Variants in ERBB2 observed in about 807,000 individuals in gnomAD.
ERBB2 encodes the protein receptor tyrosine-protein kinase erbB-2.
In ERBB2, 61 loss-of-function variants were observed where a neutral mutation model predicts 149.0. That is an observed-to-expected ratio of 0.41 (90% CI 0.33 to 0.51). The LOEUF is 0.51. ERBB2 is among the 20% of genes least tolerant of loss of function. The probability of loss-of-function intolerance (pLI) is 0.25; values close to 1 mark genes in which losing one functional copy is unlikely to be tolerated. For synonymous variants in ERBB2, 633 were observed against 678.8 expected (o/e 0.93, Z 1.05); for missense variants, 1,205 against 1,655.1 (o/e 0.73, Z 4.72).
At chr17:39,700,479 C>T (rs1422250907) in intron 1 of ERBB2, among the ~76,000 whole-genome samples, 168 bp downstream of exon 1, 2 of 152,108 alleles carry the variant, frequency 1.3e-5, no homozygotes, top group African/African-American at 4.8e-5. Context: ...GGCCCTCGGG[C>T]GGGAGGGGGC....
At chr17:39,689,858 A>G (rs1411015256) in intron 2 of ERBB2, among the ~76,000 whole-genome samples, 1 of 150,776 alleles carries the variant, frequency 6.6e-6, no homozygotes, top group Non-Finnish European at 1.5e-5. Context: ...GTGAGCCAAG[A>G]TTGCGCCATC....
At chr17:39,709,289 G>A (rs760325828) in intron 3 of ERBB2, 29 bp from the exon 4 acceptor site, 1 of 1,613,316 alleles carries the variant, frequency 6.2e-7, no homozygotes, top group Non-Finnish European at 8.5e-7. Context: ...GAAGGGGAAA[G>A]GGTCCTCTGA....
At chr17:39,695,168 T>C (rs2057831139), upstream of ERBB2, 2 of 152,474 alleles carry the variant, frequency 1.3e-5, no homozygotes, top group Non-Finnish European at 2.9e-5. Flanking sequence ...GTTGTGGACA[T>C]GCACAAAAGT....
intron 9 of ERBB2, among the ~76,000 whole-genome samples, chr17:39,713,488 C>T (rs575265435): frequency 2.8e-4 from 42 of 151,702 alleles, no homozygotes; most frequent in African/African-American, 1.0e-3. Flanking sequence ...CGGTGGCTCA[C>T]GCCTGTAATC....
In ERBB2 at chr17:39,717,413, A is replaced by C; in HGVS notation, c.1831A>C (p.Met611Leu). The change falls in exon 15 of 27, where the codon ATG (methionine) becomes CTG (leucine). Residue 611 changes from methionine to leucine, a missense_variant. By Grantham distance (15) the Met-to-Leu change is conservative. Around this residue, in one of 6 missense-constraint regions of ERBB2, gnomAD observed 569 missense variants for 803.5 expected, o/e 0.71. Transcript: ENST00000269571. ...PSGVKPDLSY[M>L]PIWKFPDEEG... ...CGGTGTGAAACCTGACCTCTCCTAC[A>C]TGCCCATCTGGAAGTTTCCAGATGA... is the stretch of plus-strand genomic sequence containing the variant. 2 of 1,613,030 alleles carry C rather than the reference A, an allele frequency of 1.2e-6. No individual in the cohort carries two copies. The highest frequency in any genetic ancestry group is 1.7e-6 in the Non-Finnish European group (2 of 1,179,900).
At chr17:39,694,299 A>C, upstream of ERBB2, among the ~76,000 whole-genome samples, 1 of 56,296 alleles carries the variant, frequency 1.8e-5, no homozygotes, top group South Asian at 7.3e-4. Flanking sequence ...ACACATATAT[A>C]TGTGTATATA....
At position 39,702,276 on chromosome 17, in the gene ERBB2, G is replaced by A. The variant is rs74840092; in HGVS notation, c.73+1965G>A. 4.1e-3 allele frequency among the ~76,000 whole-genome samples: 629 copies of A among 152,286 alleles called. 7 individuals are homozygous for A. Among genetic ancestry groups the A allele is most frequent in the African/African-American group, 0.015 (619 of 41,548 alleles). The stretch of plus-strand genomic sequence containing the variant: ...TGATTGCAAATGCTCTCCAGCCTGG[G>A]TGACAGTGTGAGACTCCGTTTCAGA... On this transcript the variant is annotated intron_variant, in intron 1 of 26. Transcript: ENST00000269571.
At position 39,724,818 on chromosome 17, in the gene ERBB2, T is replaced by C. The variant is rs754308267; in HGVS notation, c.2400T>C (p.Leu800=). The change falls in exon 20 of 27, where the codon CTT becomes CTC. Residue 800 remains leucine (L), a synonymous_variant. Coordinates refer to ENST00000269571, the MANE Select transcript of ERBB2 (RefSeq NM_004448.4). ...CCACGGTGCAGCTGGTGACACAGCT[T>C]ATGCCCTATGGCTGCCTCTTAGACC... is the stretch of plus-strand genomic sequence containing the variant. ...LTSTVQLVTQ[L]MPYGCLLDHV... The C allele has an allele frequency of 3.6e-5, 58 of 1,614,088 alleles. No homozygotes were observed. Among genetic ancestry groups the C allele is most frequent in the Admixed American group, 5.0e-5 (3 of 60,004 alleles).
In ERBB2 at chr17:39,723,348, T is replaced by G. The variant is rs2145803143; in HGVS notation, c.1976T>G (p.Val659Gly). 6.2e-7 allele frequency: 1 copy of G among 1,611,930 alleles called. No homozygotes were observed. Among genetic ancestry groups the G allele is most frequent in the Non-Finnish European group, 8.5e-7 (1 of 1,178,894 alleles). ...SPLTSIISAVVGILLVVVLGV... is the reference protein window; with the variant it reads ...SPLTSIISAVGGILLVVVLGV... ...CTGACGTCCATCATCTCTGCGGTGG[T>G]TGGCATTCTGCTGGTCGTGGTCTTG... The change falls in exon 17 of 27, where the codon GTT becomes GGT. Residue 659 changes from valine to glycine, a missense_variant. Transcript: ENST00000269571. This position sits in a 1 kb window ranked among gnomAD's most constrained non-coding sequence, Gnocchi z 6.2.
intron 7 of ERBB2, among the ~76,000 whole-genome samples, chr17:39,710,785 A>T (rs936406070): frequency 1.3e-5 from 2 of 152,230 alleles, no homozygotes; most frequent in African/African-American, 4.8e-5. Context: ...AATAGTCCCA[A>T]CTGCATAAGA....
Position 39,715,921 on chromosome 17 carries a change from C to T in ERBB2, c.1495C>T (p.Arg499Trp), listed in dbSNP as rs199530208. 1.5e-5 allele frequency: 24 copies of T among 1,610,580 alleles called. No homozygotes were observed. The Admixed American group carries it at 1.8e-4, about 12-fold the overall frequency. ...PHQALLHTAN[R>W]PEDECVGEGL... is the part of the protein sequence containing the mutation. ...CCAAGCTCTGCTCCACACTGCCAAC[C>T]GGCCAGAGGACGAGTGTGGTAAGAC... The change falls in exon 12 of 27, where the codon CGG (arginine) becomes TGG (tryptophan). Residue 499 changes from arginine (R) to tryptophan (W), a missense_variant. By Grantham distance (101) the Arg-to-Trp change is moderately radical. This residue lies in a region of ERBB2 where 569 missense variants were observed against 803.5 expected (regional missense o/e 0.71). Coordinates refer to ENST00000269571, the MANE Select transcript of ERBB2 (RefSeq NM_004448.4).
At chr17:39,713,313 G>T (rs1450886226) in intron 9 of ERBB2, 1 of 152,004 alleles carries the variant, frequency 6.6e-6, no homozygotes, top group Non-Finnish European at 1.5e-5. Context: ...TTTTAATAGA[G>T]ATGGGGTTTC....
At chr17:39,709,539 G>T in intron 4 of ERBB2, 87 bp downstream of exon 4, 1 of 1,512,886 alleles carries the variant, frequency 6.6e-7, no homozygotes, top group Non-Finnish European at 9.1e-7. Context: ...GTGCCTGCCC[G>T]CCACTGCCCC....
chr17:39,691,877 A>G (rs1425386841), upstream of ERBB2, among the ~76,000 whole-genome samples: 2 of 129,140 alleles, frequency 1.5e-5, no homozygotes, highest in African/African-American at 3.1e-5. Context: ...ATAGATATAG[A>G]TATAGATATA....
chr17:39,694,551 G>A (rs188819377), upstream of ERBB2: 1 of 151,686 alleles, frequency 6.6e-6, no homozygotes, highest in Non-Finnish European at 1.5e-5. Flanking sequence ...AGATCTTAAA[G>A]AATGATTGGA....
At chr17:39,690,684 T>C (rs1480732874), upstream of ERBB2, among the ~76,000 whole-genome samples, 2 of 152,202 alleles carry the variant, frequency 1.3e-5, no homozygotes, top group Admixed American at 1.3e-4. Context: ...CTGGAGCCCC[T>C]AGTTCTCCCC....
Position 39,725,210 on chromosome 17 carries a change from G to A in ERBB2, c.2649+6G>A, listed in dbSNP as rs2059682024. 6.2e-7 allele frequency: 1 copy of A among 1,614,058 alleles called. No homozygotes were observed. ...ACCATGCAGATGGGGGCAAGGTTAG[G>A]TGAAGGACCAAGGAGCAGAGGAGGC... On this transcript the variant is annotated splice_donor_region_variant and intron_variant, in intron 21 of 26. Coordinates refer to ENST00000269571, the MANE Select transcript of ERBB2 (RefSeq NM_004448.4). The surrounding 1 kb of genome is among the most constrained non-coding windows in gnomAD (Gnocchi z 4.6).
At position 39,700,186 on chromosome 17, in the gene ERBB2, C is replaced by A; in HGVS notation, c.-53C>A. Reference sequence around the variant, plus strand: ...CCCTCGCAGCACCCCGCGCCCCGCGCCCTCCCAGCCGGGTCCAGCCGGAGC... The same window carrying A: ...CCCTCGCAGCACCCCGCGCCCCGCGACCTCCCAGCCGGGTCCAGCCGGAGC... On this transcript the variant is annotated 5_prime_UTR_variant, in exon 1 of 27. Coordinates refer to ENST00000269571, the MANE Select transcript of ERBB2 (RefSeq NM_004448.4). 7.3e-7 allele frequency: 1 copy of A among 1,371,062 alleles called. No homozygotes were observed. Among genetic ancestry groups the A allele is most frequent in the Non-Finnish European group, 9.4e-7 (1 of 1,068,814 alleles). 84.9% of individuals were successfully genotyped at this position (1,371,062 alleles called of 1,614,324 possible). A position where few individuals can be genotyped will look rare whatever the true frequency, so the allele number is the denominator to read the frequency against.
intron 1 of ERBB2, among the ~76,000 whole-genome samples, chr17:39,704,709 C>T (rs2058321061): frequency 6.6e-6 from 1 of 152,120 alleles, no homozygotes; most frequent in South Asian, 2.1e-4. Context: ...CTCCAGTTCC[C>T]TGGGAACCGT....
Sources: gnomAD v4.1 joint callset for allele counts (sites outside exome capture counted in the v4.1 genomes callset) on GRCh38, gnomAD v4.1.1 for gene constraint, gnomAD v4.1.1 regional missense constraint, Gnocchi (gnomAD v3.1) non-coding constraint, MANE v1.5 for transcripts, NCBI Gene and HGNC (gene_info 2026-07-23, HGNC 2026-07-21) for gene names.